C7: variants seen among roughly 807,000 people sequenced by gnomAD.
C7 encodes complement C7.
C7 carries 83 observed loss-of-function variants against 104.8 expected under a neutral mutation model. The ratio of observed to expected loss-of-function variants is 0.79; its 90% confidence interval spans 0.66 to 0.95. C7 has a LOEUF of 0.95. Among genes scored for constraint, C7 ranks in the 40% least tolerant of loss-of-function variants. The pLI is 0.00. For missense variants in C7, 1,070 were observed against 1,011.2 expected (o/e 1.06, Z -0.79); for synonymous variants, 415 against 360.6 (o/e 1.15, Z -1.71).
intron 1 of C7, among the ~76,000 whole-genome samples, chr5:40,910,547 TAAC>T (rs1352936013): frequency 5.9e-5 from 9 of 151,968 alleles, no homozygotes; most frequent in Admixed American, 2.0e-4. Context: ...TAAACACAAA[TAAC>T]AAAGTTAATT....
intron 6 of C7, among the ~76,000 whole-genome samples, chr5:40,938,328 T>C (rs1027920812): frequency 1.3e-5 from 2 of 152,218 alleles, no homozygotes; most frequent in African/African-American, 4.8e-5. Context: ...TGTGATTTAG[T>C]TTTGCCTATT....
At chr5:40,968,108 G>A (rs1178818543) in intron 14 of C7, among the ~76,000 whole-genome samples, 1 of 151,172 alleles carries the variant, frequency 6.6e-6, no homozygotes, top group Non-Finnish European at 1.5e-5. Context: ...TTCCCCCTCT[G>A]TTTCATTCTA....
At chr5:40,927,321 T>C (rs891047182) in intron 1 of C7, among the ~76,000 whole-genome samples, 6 of 152,054 alleles carry the variant, frequency 3.9e-5, no homozygotes, top group Non-Finnish European at 5.9e-5. Context: ...AGGGAAAAAC[T>C]GTATTTTTCT....
At chr5:40,951,382 A>G (rs1247793725) in intron 9 of C7, among the ~76,000 whole-genome samples, 2 of 152,166 alleles carry the variant, frequency 1.3e-5, no homozygotes, top group South Asian at 4.1e-4. Context: ...CAAATACTGC[A>G]CATTCTTACT....
intron 1 of C7, among the ~76,000 whole-genome samples, chr5:40,925,457 T>C (rs1739532318): frequency 6.6e-6 from 1 of 152,218 alleles, no homozygotes; most frequent in Non-Finnish European, 1.5e-5. Flanking sequence ...AACCAGTCTG[T>C]AAGAAATTTC....
chr5:40,939,907 C>T (rs1739899426), intron 6 of C7, among the ~76,000 whole-genome samples: 1 of 152,126 alleles, frequency 6.6e-6, no homozygotes, highest in East Asian at 1.9e-4. Flanking sequence ...AAATGCCTTC[C>T]CCATCACTGA....
chr5:40,957,971 G>A, intron 10 of C7, 62 bp from the exon 11 acceptor site: 1 of 1,244,396 alleles, frequency 8.0e-7, no homozygotes. Flanking sequence ...GCCTAAACAT[G>A]AAAAGCAAAA....
chr5:40,945,154 C>T (rs1338246514), intron 6 of C7, 44 bp from the exon 7 acceptor site: 13 of 1,034,228 alleles, frequency 1.3e-5, no homozygotes, highest in Non-Finnish European at 1.8e-5. Flanking sequence ...ATAAAGGATC[C>T]AGCATTAATT....
chr5:40,972,969 A>T (rs149280882), intron 15 of C7, among the ~76,000 whole-genome samples: 8 of 152,324 alleles, frequency 5.3e-5, no homozygotes, highest in Admixed American at 1.3e-4. Context: ...AGTTGAGATC[A>T]TAATTTATTT....
intron 15 of C7, 106 bp downstream of exon 15, chr5:40,972,700 CCATT>C: frequency 1.2e-6 from 1 of 851,158 alleles, no homozygotes; most frequent in South Asian, 2.3e-5. Context: ...GTCATTCCCT[CCATT>C]CTTGCTCCTT....
chr5:40,947,491 A>T, intron 7 of C7, 111 bp from the exon 8 acceptor site: 1 of 1,186,476 alleles, frequency 8.4e-7, no homozygotes, highest in Non-Finnish European at 1.2e-6. Flanking sequence ...AAATTCTTGT[A>T]GTCTTGGTTG....
chr5:40,947,752 G>T lies in C7; in HGVS notation c.889G>T (p.Asp297Tyr). 1 of 1,613,596 alleles carries T rather than the reference G, an allele frequency of 6.2e-7. No individual in the cohort carries two copies. Reference protein sequence around the residue: ...YDYSAYRRLIDQYGTHYLQSG... With the variant: ...YDYSAYRRLIYQYGTHYLQSG... ...CTACAGTGCCTACCGAAGATTAATC[G>T]ACCAGTACGGGACACATTATCTGCA... is the stretch of plus-strand genomic sequence containing the variant. Residue 297 changes from aspartate (D) to tyrosine (Y), a missense_variant, in exon 8 of 18, where the codon GAC becomes TAC. Asp to Tyr is a radical substitution (Grantham distance 160). Transcript: ENST00000313164.
intron 1 of C7, among the ~76,000 whole-genome samples, chr5:40,915,180 C>T (rs1739294364): frequency 6.6e-6 from 1 of 152,148 alleles, no homozygotes; most frequent in Non-Finnish European, 1.5e-5. Flanking sequence ...GATAAAGAAT[C>T]AGCAGTCAAA....
In C7 at chr5:40,936,368, A is replaced by G. The variant is rs1739814991; in HGVS notation, c.311A>G (p.Asn104Ser). Residue 104 changes from asparagine (N) to serine (S), a missense_variant, in exon 5 of 18, where the codon AAT (asparagine) becomes AGT (serine). Transcript: ENST00000313164. ...TGCATCAGCAAATCATTGGTTTGCA[A>G]TGGGGATTCTGACTGTGATGAAGAC... Reference protein sequence around the residue: ...GQCISKSLVCNGDSDCDEDSA... With the variant: ...GQCISKSLVCSGDSDCDEDSA... The G allele has an allele frequency of 1.2e-6, 2 of 1,613,302 alleles. No individual in the cohort carries two copies. The highest frequency in any genetic ancestry group is 8.5e-7 in the Non-Finnish European group (1 of 1,179,446).
At chr5:40,936,283 A>C in intron 4 of C7, 55 bp from the exon 5 acceptor site, 1 of 1,564,962 alleles carries the variant, frequency 6.4e-7, no homozygotes, top group Non-Finnish European at 8.8e-7. Flanking sequence ...GGTCCTGGGT[A>C]GTGTTTCTCC....
chr5:40,967,337 T>C (rs1156763987), intron 14 of C7, among the ~76,000 whole-genome samples: 2 of 152,218 alleles, frequency 1.3e-5, no homozygotes, highest in Admixed American at 1.3e-4. Flanking sequence ...GTGTTGAGAT[T>C]ACAGGCATGA....
chr5:40,939,791 A>G (rs1263958525), intron 6 of C7, among the ~76,000 whole-genome samples: 1 of 152,258 alleles, frequency 6.6e-6, no homozygotes, highest in Non-Finnish European at 1.5e-5. Context: ...GTTGGAAGGT[A>G]GACAGGCAGG....
intron 2 of C7, 112 bp from the exon 3 acceptor site, chr5:40,930,952 G>T: frequency 1.3e-6 from 1 of 763,818 alleles, no homozygotes; most frequent in South Asian, 1.6e-5. Flanking sequence ...TGTCTCTTCG[G>T]AAAAAATATT....
intron 9 of C7, among the ~76,000 whole-genome samples, chr5:40,953,143 A>G (rs1740210184): frequency 6.6e-6 from 1 of 152,206 alleles, no homozygotes; most frequent in South Asian, 2.1e-4. Context: ...ACAGCTAACA[A>G]TGAAGACGAG....
Sources: gnomAD v4.1 joint callset for allele counts (sites outside exome capture counted in the v4.1 genomes callset) on GRCh38, gnomAD v4.1.1 for gene constraint, MANE v1.5 for transcripts, NCBI Gene and HGNC (gene_info 2026-07-23, HGNC 2026-07-21) for gene names.